Variants in AGAP2 observed in about 807,000 individuals in gnomAD.
AGAP2 encodes the protein arf-GAP with GTPase, ANK repeat and PH domain-containing protein 2.
Under a neutral mutation model 110.9 loss-of-function variants are expected in AGAP2, and 32 were observed. The ratio of observed to expected loss-of-function variants is 0.29; its 90% CI spans 0.22 to 0.39. The LOEUF is 0.39. Ranked by LOEUF, AGAP2 falls within the 10% of genes least tolerant of loss-of-function variation. The pLI is 1.00. For missense variants in AGAP2, 1,285 were observed against 1,638.5 expected, an observed-to-expected ratio of 0.78 and a Z score of 3.72; for synonymous variants, 702 against 713.0, an observed-to-expected ratio of 0.98 and a Z score of 0.25.
In AGAP2 at chr12:57,737,782, G is replaced by A. The variant is rs765035310; in HGVS notation, c.465C>T (p.Pro155=). 7.8e-6 allele frequency: 12 copies of A among 1,530,510 alleles called. No individual in the cohort carries two copies. The East Asian group carries it at 3.0e-4, about 38-fold the overall frequency. 94.8% of individuals were successfully genotyped at this position (1,530,510 alleles called of 1,614,324 possible). Residue 155 remains proline, a synonymous_variant, in exon 1 of 19, where the codon CCC becomes CCT. Coordinates refer to ENST00000547588, the MANE Select transcript of AGAP2 (RefSeq NM_001122772.3). The surrounding 1 kb of genome is among the most constrained non-coding windows in gnomAD (Gnocchi z 5.9). ...GGATGCCGCCGCCCGCCCGGCCTTC[G>A]GGCTCCGGGCCGCCCCAGCTCGGGC... The part of the protein sequence containing the change: ...LSSPSWGGPE[P]EGRAGGGIPG...
At chr12:57,732,731 C>G in intron 6 of AGAP2, 114 bp downstream of exon 6, 1 of 1,532,436 alleles carries the variant, frequency 6.5e-7, no homozygotes, top group Non-Finnish European at 8.8e-7. Context: ...TCCTCCCTCC[C>G]ACAAAGGCTA....
intron 16 of AGAP2, 25 bp downstream of exon 16, chr12:57,727,656 C>A: frequency 6.3e-7 from 1 of 1,596,484 alleles, no homozygotes; most frequent in Non-Finnish European, 8.5e-7. Flanking sequence ...ACTCCCTAGC[C>A]CCTCCGCTGC....
Position 57,730,625 on chromosome 12 carries a change from A to T in AGAP2, c.2309-11T>A. Reference sequence around the variant, plus strand: ...TGGGAGTAGTGGCTTCTGTCGGAAGAAGATGAAACCTCAGTGAGCCTCTTT... The same window carrying T: ...TGGGAGTAGTGGCTTCTGTCGGAAGTAGATGAAACCTCAGTGAGCCTCTTT... On this transcript the variant is annotated splice_polypyrimidine_tract_variant and intron_variant, in intron 11 of 18. Coordinates refer to ENST00000547588, the MANE Select transcript of AGAP2 (RefSeq NM_001122772.3). 6.2e-7 allele frequency: 1 copy of T among 1,611,622 alleles called. No homozygotes were observed. The highest frequency in any genetic ancestry group is 8.5e-7 in the Non-Finnish European group (1 of 1,178,812).
intron 14 of AGAP2, 48 bp from the exon 15 acceptor site, chr12:57,728,133 G>C: frequency 1.3e-6 from 2 of 1,556,958 alleles, no homozygotes; most frequent in Non-Finnish European, 1.7e-6. Context: ...GTTCAAGCAG[G>C]GGCTGCCTTT....
Position 57,731,803 on chromosome 12 carries a change from C to T in AGAP2, c.1953+6G>A. 1 of 1,562,616 alleles carries T rather than the reference C, an allele frequency of 6.4e-7. No homozygotes were observed. The highest frequency in any genetic ancestry group is 8.7e-7 in the Non-Finnish European group (1 of 1,153,858). On this transcript the variant is annotated splice_donor_region_variant and intron_variant, in intron 8 of 18. Transcript: ENST00000547588. ...GGATGGGGGTCAGCATGTCCATGTC[C>T]AATACCGCAAAAAGGCTGGTCCTGC...
At chr12:57,740,546 C>T (rs962237443), upstream of AGAP2, among the ~76,000 whole-genome samples, 3 of 152,132 alleles carry the variant, frequency 2.0e-5, no homozygotes, top group African/African-American at 7.2e-5. Flanking sequence ...CCACCTCCAC[C>T]CCTCCTCACC....
In AGAP2 at chr12:57,737,655, CT is replaced by C; in HGVS notation, c.591del (p.Ala198ProfsTer96). On this transcript the variant is annotated frameshift_variant, in exon 1 of 19. Transcript: ENST00000547588. LOFTEE classifies it high-confidence loss of function. This position sits in a 1 kb window ranked among gnomAD's most constrained non-coding sequence, Gnocchi z 5.9. ...PKPCKTVTTS[G>X]AKAGGGKGAG... ...GCGCCCTTGCCCCCGCCGGCTTTGG[CT>C]CCACTCGTGGTCACGGTCTTGCAAG... 6.5e-7 allele frequency: 1 copy of C among 1,547,968 alleles called. No individual in the cohort carries two copies. The highest frequency in any genetic ancestry group is 1.2e-5 in the South Asian group (1 of 84,102).
rs1419478344 is a variant in AGAP2 at position 57,737,124 on chromosome 12, T to A, written c.1123A>T (p.Ser375Cys). The change falls in exon 1 of 19, where the codon AGC becomes TGC. Residue 375 changes from serine to cysteine, a missense_variant. Coordinates refer to ENST00000547588, the MANE Select transcript of AGAP2 (RefSeq NM_001122772.3). The surrounding 1 kb of genome is among the most constrained non-coding windows in gnomAD (Gnocchi z 5.9). ...GCGCCCAGCAGCTCCCTGGACCCGC[T>A]GCCAGAAGACAGGCTGGGGGGTCCG... ...LPGPPSLSSG[S>C]GSRELLGAEL... 34 of 1,568,156 alleles carry A rather than the reference T, an allele frequency of 2.2e-5. No homozygotes were observed. Among genetic ancestry groups the A allele is most frequent in the Non-Finnish European group, 2.9e-5 (34 of 1,157,376 alleles).
intron 1 of AGAP2, 102 bp from the exon 2 acceptor site, chr12:57,735,529 A>G: frequency 9.7e-7 from 1 of 1,035,764 alleles, no homozygotes; most frequent in Non-Finnish European, 1.4e-6. Flanking sequence ...ACCCCCCCCC[A>G]ACCCTGCCTG....
In AGAP2 at chr12:57,726,052, A is replaced by C. The variant is rs1292032704; in HGVS notation, c.*500T>G. The C allele has an allele frequency of 6.6e-6, 1 of 152,046 alleles. No homozygotes were observed. The highest frequency in any genetic ancestry group is 2.0e-4 in the East Asian group (1 of 5,120). 9.4% of individuals were successfully genotyped at this position (152,046 alleles called of 1,614,324 possible). On this transcript the variant is annotated 3_prime_UTR_variant, in exon 19 of 19. Transcript: ENST00000547588. This position sits in a 1 kb window ranked among gnomAD's most constrained non-coding sequence, Gnocchi z 5.7. ...CCCTTCACTGGGCAGTGAGATGAGC[A>C]TGGAAGGGGTAGGGTTTCCGTATTG...
Position 57,735,407 on chromosome 12 carries a change from C to G in AGAP2, c.1189G>C (p.Glu397Gln). The change falls in exon 2 of 19, where the codon GAA (glutamate) becomes CAA (glutamine). Residue 397 changes from glutamate to glutamine, a missense_variant. Glu to Gln is a conservative substitution (Grantham distance 29, BLOSUM62 2). This residue lies in a region of AGAP2 where 844 missense variants were observed against 941.2 expected (regional missense o/e 0.90). Coordinates refer to ENST00000547588, the MANE Select transcript of AGAP2 (RefSeq NM_001122772.3). ...GGAATGGAGCGGCTCAAAGTCCATT[C>G]CTGGCTATTGATCACAGCCTCTGTA... ...ASPKAVINSQ[E>Q]WTLSRSIPEL... 1 of 1,613,806 alleles carries G rather than the reference C, an allele frequency of 6.2e-7. No homozygotes were observed. Among genetic ancestry groups the G allele is most frequent in the Non-Finnish European group, 8.5e-7 (1 of 1,179,938 alleles).
In AGAP2 at chr12:57,733,586, C is replaced by T. The variant is rs149136667; in HGVS notation, c.1549+440G>A. ...AGGTTTTCTGCTCTCTTCTTTTCAT[C>T]ATCATTTCCTTTGTGTTTTCACTTT... On this transcript the variant is annotated intron_variant, in intron 5 of 18. Coordinates refer to ENST00000547588, the MANE Select transcript of AGAP2 (RefSeq NM_001122772.3). Among the ~76,000 whole-genome samples the T allele has an allele frequency of 1.2e-4, 19 of 152,340 alleles. No homozygotes were observed. In the East Asian group the frequency reaches 2.1e-3, roughly 17 times the overall value.
intron 3 of AGAP2, 26 bp downstream of exon 3, chr12:57,734,566 G>T: frequency 1.2e-6 from 2 of 1,613,046 alleles, no homozygotes; most frequent in South Asian, 1.1e-5. Flanking sequence ...CCAATGGTTA[G>T]CTTACTATGG....
upstream of AGAP2, among the ~76,000 whole-genome samples, chr12:57,740,642 G>T (rs1955066406): frequency 2.0e-5 from 3 of 152,018 alleles, no homozygotes; most frequent in South Asian, 6.2e-4. Flanking sequence ...TATTATTTTT[G>T]AGAGGGGTGG....
In AGAP2 at chr12:57,727,921, CA is replaced by C. The variant is rs1372100174; in HGVS notation, c.2766+15del. The C allele has an allele frequency of 1.2e-6, 2 of 1,613,366 alleles. No individual in the cohort carries two copies. The highest frequency in any genetic ancestry group is 2.7e-5 in the African/African-American group (2 of 74,936). ...AGTTCCTGCGGCCAGTCCTCCACTCCACCTCAAACTCTTACCTTGACCTTGC... is the reference window on the plus strand; with the variant it reads ...AGTTCCTGCGGCCAGTCCTCCACTCCCCTCAAACTCTTACCTTGACCTTGC... On this transcript the variant is annotated intron_variant, in intron 15 of 18. Coordinates refer to ENST00000547588, the MANE Select transcript of AGAP2 (RefSeq NM_001122772.3).
intron 13 of AGAP2, 37 bp from the exon 14 acceptor site, chr12:57,728,414 G>A: frequency 6.2e-7 from 1 of 1,605,082 alleles, no homozygotes; most frequent in South Asian, 1.1e-5. Flanking sequence ...AGATAGAATG[G>A]AGAGCAGAAC....
chr12:57,733,988 C>T (rs763587393), intron 5 of AGAP2, 38 bp downstream of exon 5: 2 of 1,527,120 alleles, frequency 1.3e-6, no homozygotes, highest in East Asian at 2.3e-5. Flanking sequence ...CTCCTTAGGG[C>T]CTCCCTTGAA....
At chr12:57,732,702 C>T in intron 6 of AGAP2, 143 bp downstream of exon 6, 1 of 1,462,794 alleles carries the variant, frequency 6.8e-7, no homozygotes. Flanking sequence ...AGCAAACCTT[C>T]TCTGGCCTCC....
At chr12:57,728,219 G>A in intron 14 of AGAP2, 99 bp downstream of exon 14, 2 of 1,517,954 alleles carry the variant, frequency 1.3e-6, no homozygotes, top group South Asian at 2.4e-5. Flanking sequence ...GCAGAGGGTG[G>A]GGGGCAGCAG....
Sources: allele counts gnomAD v4.1 joint callset (sites outside exome capture counted in the v4.1 genomes callset), GRCh38; gene constraint gnomAD v4.1.1; regional missense constraint gnomAD v4.1.1; non-coding constraint Gnocchi (gnomAD v3.1); transcripts MANE v1.5; gene names NCBI Gene and HGNC (gene_info 2026-07-23, HGNC 2026-07-21).